The following DNAH8 variants were observed in gnomAD, a reference collection of about 807,000 sequenced individuals.
The protein encoded by DNAH8 is dynein axonemal heavy chain 8, also known as axonemal beta dynein heavy chain 8.
Under a neutral mutation model 562.1 loss-of-function variants are expected in DNAH8, and 382 were observed. The observed-to-expected ratio is 0.68, with a 90% confidence interval of 0.63 to 0.74. The LOEUF (loss-of-function observed/expected upper bound fraction) is 0.74, where lower values mean the gene tolerates loss of function less well. DNAH8 is among the 30% of genes least tolerant of loss of function. DNAH8 has a pLI of 0.00. For synonymous variants in DNAH8, 1,881 were observed against 1,919.4 expected (o/e 0.98, Z 0.52); for missense variants, 5,203 against 5,620.4 (o/e 0.93, Z 2.37).
At chr6:38,806,082 G>A (rs1294697289) in intron 23 of DNAH8, among the ~76,000 whole-genome samples, 4 of 152,174 alleles carry the variant, frequency 2.6e-5, no homozygotes, top group African/African-American at 9.7e-5. Flanking sequence ...GAGTTGAAAT[G>A]TGTTGAGAAT....
rs377254876 is a variant in DNAH8, at chr6:38,874,068, T to TTCTTTCTTTCTTTTTC, written c.7620+693_7620+694insCTTTCTTTCTTTTTCT. Reference sequence around the variant, plus strand: ...TTTCTTTCTTTCTTTCTTTCTTTCTTTTTCTTTCTTTCTTTCTTTCTTTCT... The same window carrying TTCTTTCTTTCTTTTTC: ...TTTCTTTCTTTCTTTCTTTCTTTCTTTCTTTCTTTCTTTTTCTTTCTTTCTTTCTTTCTTTCTTTCT... On this transcript the variant is annotated intron_variant, in intron 52 of 92. Transcript: ENST00000327475. 2.6e-4 allele frequency among the ~76,000 whole-genome samples: 15 copies of TTCTTTCTTTCTTTTTC among 57,076 alleles called. 5 individuals are homozygous for TTCTTTCTTTCTTTTTC. The East Asian group carries it at 7.0e-3, about 27-fold the overall frequency. 37.4% of individuals were successfully genotyped at this position (57,076 alleles called of 152,430 possible).
At chr6:38,789,965 A>G (rs1562793125) in intron 19 of DNAH8, 82 bp downstream of exon 19, 7 of 1,082,050 alleles carry the variant, frequency 6.5e-6, no homozygotes, top group Non-Finnish European at 5.5e-6. Flanking sequence ...ATTTTGGAAC[A>G]TCTATTCTTC....
Position 38,873,000 on chromosome 6 carries a change from A to G in DNAH8, c.7332A>G (p.Leu2444=), listed in dbSNP as rs1777585284. ...TGGATGACAATAAAACTCTGACGTT[A>G]GCTAATGGAGATCGCATTCCCATGG... is the stretch of plus-strand genomic sequence containing the variant. ...SVLDDNKTLT[L]ANGDRIPMAP... The change falls in exon 51 of 93, where the codon TTA becomes TTG. Residue 2444 remains leucine, a synonymous_variant. Transcript: ENST00000327475. 6.2e-7 allele frequency: 1 copy of G among 1,614,064 alleles called. No homozygotes were observed. Among genetic ancestry groups the G allele is most frequent in the African/African-American group, 1.3e-5 (1 of 74,938 alleles).
At position 38,923,165 on chromosome 6, in the gene DNAH8, A is replaced by C; in HGVS notation, c.10770A>C (p.Glu3590Asp). Reference protein sequence around the residue: ...EKIRWTQQSKEFKAQINRLVG... With the variant: ...EKIRWTQQSKDFKAQINRLVG... ...TCCGGTGGACCCAGCAAAGTAAAGAATTCAAAGCTCAGATTAATAGGTGGG... is the reference window on the plus strand; with the variant it reads ...TCCGGTGGACCCAGCAAAGTAAAGACTTCAAAGCTCAGATTAATAGGTGGG... The change falls in exon 72 of 93, where the codon GAA (glutamate) becomes GAC (aspartate). Residue 3590 changes from glutamate to aspartate, a missense_variant. Physicochemically the swap from Glu to Asp is conservative, Grantham distance 45 (BLOSUM62 2). This residue lies in a region of DNAH8 where 1,399 missense variants were observed against 1,518.4 expected (regional missense o/e 0.92). Transcript: ENST00000327475. 1.9e-6 allele frequency: 3 copies of C among 1,613,702 alleles called. No homozygotes were observed. The highest frequency in any genetic ancestry group is 2.5e-6 in the Non-Finnish European group (3 of 1,179,748).
intron 7 of DNAH8, 40 bp from the exon 8 acceptor site, chr6:38,741,671 A>T (rs2127585950): frequency 1.3e-6 from 2 of 1,505,584 alleles, no homozygotes; most frequent in Admixed American, 2.1e-5. Context: ...ACAAAGAAGA[A>T]TGTAACATTT....
rs751367633 is a variant in DNAH8 at position 38,845,704 on chromosome 6, C to T, written c.4976C>T (p.Thr1659Ile). The change falls in exon 36 of 93, where the codon ACC becomes ATC. Residue 1659 changes from threonine (T) to isoleucine (I), a missense_variant. Around this residue, in one of 6 missense-constraint regions of DNAH8, gnomAD observed 2,176 missense variants for 2,365.1 expected, o/e 0.92. Coordinates refer to ENST00000327475, the MANE Select transcript of DNAH8 (RefSeq NM_001206927.2). ...AAAGGAGAGCTCCTGCTCAAAGGAACCGAATCGGGAGAAATTATCACTTTG... is the reference window on the plus strand; with the variant it reads ...AAAGGAGAGCTCCTGCTCAAAGGAATCGAATCGGGAGAAATTATCACTTTG... ...KGKGELLLKG[T>I]ESGEIITLME... is the part of the protein sequence containing the mutation. 3 of 1,613,904 alleles carry T rather than the reference C, an allele frequency of 1.9e-6. No individual in the cohort carries two copies. The highest frequency in any genetic ancestry group is 3.3e-5 in the Admixed American group (2 of 60,004).
intron 35 of DNAH8, among the ~76,000 whole-genome samples, chr6:38,843,463 A>G (rs1775014462): frequency 6.6e-6 from 1 of 151,978 alleles, no homozygotes; most frequent in Non-Finnish European, 1.5e-5. Flanking sequence ...AGATTTATAG[A>G]TGTCTTCGCT....
At chr6:38,925,814 G>A (rs1017823369) in intron 73 of DNAH8, among the ~76,000 whole-genome samples, 3 of 151,798 alleles carry the variant, frequency 2.0e-5, no homozygotes, top group Non-Finnish European at 2.9e-5. Context: ...AATGCAAAAG[G>A]ATAAACCTTG....
At chr6:38,743,479 G>T (rs747204954) in intron 8 of DNAH8, among the ~76,000 whole-genome samples, 2 of 151,948 alleles carry the variant, frequency 1.3e-5, no homozygotes, top group African/African-American at 4.8e-5. Flanking sequence ...ATATCACCAC[G>T]ATCCAATTTT....
intron 10 of DNAH8, among the ~76,000 whole-genome samples, chr6:38,760,047 A>G (rs1310862864): frequency 1.3e-5 from 2 of 152,226 alleles, no homozygotes; most frequent in Admixed American, 1.3e-4. Context: ...CATTTTTTTC[A>G]ACATTGTGAA....
At chr6:38,849,217 A>G (rs1775546864) in intron 37 of DNAH8, among the ~76,000 whole-genome samples, 1 of 152,190 alleles carries the variant, frequency 6.6e-6, no homozygotes, top group South Asian at 2.1e-4. Context: ...GTACTATTAT[A>G]GTAGTTCATG....
intron 9 of DNAH8, among the ~76,000 whole-genome samples, chr6:38,754,930 T>C (rs1470846161): frequency 1.3e-5 from 2 of 152,108 alleles, no homozygotes; most frequent in Admixed American, 6.6e-5. Context: ...TTGAGGGTGT[T>C]TTTTTTGTTT....
intron 62 of DNAH8, among the ~76,000 whole-genome samples, chr6:38,904,508 T>TA (rs1780294487): frequency 2.6e-5 from 4 of 152,024 alleles, no homozygotes; most frequent in Admixed American, 2.6e-4. Flanking sequence ...CTGAAAATGC[T>TA]GGCCGGGCGC....
intron 8 of DNAH8, among the ~76,000 whole-genome samples, chr6:38,746,630 C>T (rs1265409025): frequency 2.6e-5 from 4 of 152,024 alleles, no homozygotes; most frequent in Admixed American, 1.3e-4. Flanking sequence ...AAAATACCTT[C>T]TTAAGAAGAA....
chr6:39,020,040 G>C (rs1415455973), intron 91 of DNAH8, among the ~76,000 whole-genome samples: 1 of 152,174 alleles, frequency 6.6e-6, no homozygotes, highest in Admixed American at 6.5e-5. Flanking sequence ...GGGAGAAGTG[G>C]GAGGTTGGTT....
chr6:38,897,077 G>T (rs113411333), intron 60 of DNAH8, among the ~76,000 whole-genome samples: 43 of 152,202 alleles, frequency 2.8e-4, no homozygotes, highest in African/African-American at 8.4e-4. Context: ...TGTTGGTCAG[G>T]CTGGTTTTGA....
intron 82 of DNAH8, among the ~76,000 whole-genome samples, chr6:38,960,085 C>G (rs1480709130): frequency 1.3e-5 from 2 of 151,862 alleles, no homozygotes; most frequent in African/African-American, 4.8e-5. Flanking sequence ...GAAACTAGAC[C>G]CTATCTCTCA....
At chr6:38,836,637 A>T (rs1774327846) in intron 32 of DNAH8, among the ~76,000 whole-genome samples, 1 of 151,752 alleles carries the variant, frequency 6.6e-6, no homozygotes, top group Non-Finnish European at 1.5e-5. Flanking sequence ...GGGATATGTG[A>T]CTTGAGGTCA....
At chr6:38,882,257 C>G (rs1395028675) in intron 53 of DNAH8, among the ~76,000 whole-genome samples, 4 of 152,170 alleles carry the variant, frequency 2.6e-5, no homozygotes, top group African/African-American at 9.7e-5. Flanking sequence ...AAGACACATG[C>G]ATGCATATGT....
Sources: allele counts gnomAD v4.1 joint callset (sites outside exome capture counted in the v4.1 genomes callset), GRCh38; gene constraint gnomAD v4.1.1; regional missense constraint gnomAD v4.1.1; transcripts MANE v1.5; gene names NCBI Gene and HGNC (gene_info 2026-07-23, HGNC 2026-07-21).